PLD5: variants seen among roughly 807,000 people sequenced by gnomAD.
The protein encoded by PLD5 is phospholipase D family member 5, also known as inactive phospholipase D5.
PLD5 carries 36 observed loss-of-function variants against 61.1 expected under a neutral mutation model. That is an observed-to-expected ratio of 0.59 (90% CI 0.45 to 0.78). The LOEUF (loss-of-function observed/expected upper bound fraction) is 0.78. Ranked by LOEUF, PLD5 falls within the 30% of genes least tolerant of loss-of-function variation. The pLI, the probability that PLD5 is intolerant of heterozygous loss-of-function variation, is 0.00. For synonymous variants in PLD5, 243 were observed against 242.8 expected, an observed-to-expected ratio of 1.00 and a Z score of -0.01; for missense variants, 515 against 644.4, an observed-to-expected ratio of 0.80 and a Z score of 2.17.
intron 5 of PLD5, among the ~76,000 whole-genome samples, chr1:242,197,633 C>CTT (rs111450387): frequency 2.4e-4 from 25 of 105,422 alleles, no homozygotes; most frequent in African/African-American, 7.0e-4. Context: ...TAATTGCACA[C>CTT]TTTTTTTTTT....
chr1:242,255,961 T>G (rs1025612297), intron 4 of PLD5, among the ~76,000 whole-genome samples: 14 of 152,262 alleles, frequency 9.2e-5, no homozygotes, highest in African/African-American at 3.4e-4. Flanking sequence ...CTACCAATTG[T>G]TCAATGCTTT....
intron 2 of PLD5, among the ~76,000 whole-genome samples, chr1:242,332,733 G>A (rs61847231): frequency 6.6e-4 from 100 of 152,208 alleles, no homozygotes; most frequent in Non-Finnish European, 1.1e-3. Flanking sequence ...TATGGACTGA[G>A]CTAAAGTCTG....
At position 242,288,363 on chromosome 1, in the gene PLD5, T is replaced by G. The variant is rs763269884; in HGVS notation, c.494A>C (p.Gln165Pro). 5.6e-6 allele frequency: 9 copies of G among 1,612,396 alleles called. No individual in the cohort carries two copies. The highest frequency in any genetic ancestry group is 7.6e-6 in the Non-Finnish European group (9 of 1,179,552). ...DLNHTHPSAC[Q>P]GQRLFEKLLQ... is the part of the protein sequence containing the mutation. ...ACACACACAGAGGATGTAGCTTACC[T>G]GACATGCTGATGGATGAGTGTGGTT... is the stretch of plus-strand genomic sequence containing the variant. Residue 165 changes from glutamine (Q) to proline (P), a missense_variant and splice_region_variant, in exon 3 of 10, where the codon CAG becomes CCG. Coordinates refer to ENST00000536534, the MANE Select transcript of PLD5 (RefSeq NM_001372062.1).
chr1:242,400,600 A>T (rs1295530182), intron 1 of PLD5, among the ~76,000 whole-genome samples: 2 of 152,162 alleles, frequency 1.3e-5, no homozygotes, highest in African/African-American at 4.8e-5. Flanking sequence ...CATCCCATAC[A>T]TTGAAAGCTA....
intron 5 of PLD5, among the ~76,000 whole-genome samples, chr1:242,162,799 C>T (rs992968414): frequency 7.9e-5 from 12 of 152,096 alleles, no homozygotes; most frequent in African/African-American, 2.9e-4. Flanking sequence ...AGACAGACAG[C>T]TCCAGCCATG....
intron 3 of PLD5, among the ~76,000 whole-genome samples, chr1:242,283,891 C>T (rs1674862215): frequency 6.6e-6 from 1 of 152,014 alleles, no homozygotes; most frequent in Non-Finnish European, 1.5e-5. Flanking sequence ...AAGTAGCTTT[C>T]AGTTAGTGCC....
Position 242,288,430 on chromosome 1 carries a change from C to A in PLD5, c.427G>T (p.Ala143Ser). Residue 143 changes from alanine to serine, a missense_variant, in exon 3 of 10, where the codon GCC (alanine) becomes TCC (serine). Physicochemically the swap from Ala to Ser is moderately conservative, Grantham distance 99. This residue lies in a region of PLD5 where 450 missense variants were observed against 598.1 expected (regional missense o/e 0.75). Coordinates refer to ENST00000536534, the MANE Select transcript of PLD5 (RefSeq NM_001372062.1). ...FQGWMNLLNM[A>S]KKSVDIVSSH... is the part of the protein sequence containing the mutation. ...GACACTATGTCAACAGACTTTTTGGCCATGTTGAGTAAATTCATCCAGCCT... is the reference window on the plus strand; with the variant it reads ...GACACTATGTCAACAGACTTTTTGGACATGTTGAGTAAATTCATCCAGCCT... 1 of 1,612,534 alleles carries A rather than the reference C, an allele frequency of 6.2e-7. No individual in the cohort carries two copies.
chr1:242,306,802 GCAAA>G (rs1412942230), intron 2 of PLD5, among the ~76,000 whole-genome samples: 2 of 25,912 alleles, frequency 7.7e-5, no homozygotes, highest in East Asian at 1.8e-3. Flanking sequence ...CCCCACTTAC[GCAAA>G]CAAACTCTTT....
chr1:242,519,823 A>G (rs1448274605), intron 1 of PLD5, among the ~76,000 whole-genome samples: 2 of 152,184 alleles, frequency 1.3e-5, no homozygotes, highest in South Asian at 4.1e-4. Flanking sequence ...TTGCCGACCA[A>G]AGGACCACTC....
chr1:242,259,466 C>A (rs981861554), intron 4 of PLD5, among the ~76,000 whole-genome samples: 4 of 152,156 alleles, frequency 2.6e-5, no homozygotes, highest in Non-Finnish European at 5.9e-5. Context: ...TTTGGGAAAT[C>A]ACAATTAGCT....
chr1:242,504,320 C>T (rs932974955), intron 1 of PLD5, among the ~76,000 whole-genome samples: 7 of 152,062 alleles, frequency 4.6e-5, no homozygotes, highest in African/African-American at 1.7e-4. Context: ...TGATTCAGTC[C>T]TGGGGCTTTC....
chr1:242,150,046 C>T (rs2148815211), intron 5 of PLD5, among the ~76,000 whole-genome samples: 1 of 151,860 alleles, frequency 6.6e-6, no homozygotes, highest in Middle Eastern at 3.4e-3. Flanking sequence ...TATCTTCACT[C>T]AAATCAAAAT....
chr1:242,297,652 A>G (rs1675777800), intron 2 of PLD5, among the ~76,000 whole-genome samples: 1 of 72,004 alleles, frequency 1.4e-5, no homozygotes, highest in Admixed American at 1.9e-4. Flanking sequence ...TTTTTTTTTG[A>G]GATGGAGTCT....
chr1:242,194,389 T>G (rs1668469387), intron 5 of PLD5, among the ~76,000 whole-genome samples: 1 of 152,096 alleles, frequency 6.6e-6, no homozygotes, highest in East Asian at 1.9e-4. Context: ...AAAGTAGAAC[T>G]GCCATTTGAT....
At chr1:242,169,616 G>A (rs1666591281) in intron 5 of PLD5, among the ~76,000 whole-genome samples, 1 of 152,148 alleles carries the variant, frequency 6.6e-6, no homozygotes, top group African/African-American at 2.4e-5. Context: ...TGAAGCCAGG[G>A]AGCCAAGTGG....
At chr1:242,511,930 G>C (rs1668923499) in intron 1 of PLD5, among the ~76,000 whole-genome samples, 2 of 152,096 alleles carry the variant, frequency 1.3e-5, no homozygotes, top group Admixed American at 1.3e-4. Context: ...CCAAATTAAA[G>C]TTTTTTTAAT....
intron 9 of PLD5, among the ~76,000 whole-genome samples, chr1:242,095,230 C>T (rs201496870): frequency 1.2e-4 from 18 of 151,504 alleles, no homozygotes; most frequent in East Asian, 5.9e-4. Context: ...CCATCGCGTC[C>T]GGCATATTTA....
chr1:242,378,385 G>T (rs1187637844), intron 1 of PLD5, among the ~76,000 whole-genome samples: 1 of 152,180 alleles, frequency 6.6e-6, no homozygotes. Context: ...ATTGCTTAAT[G>T]GGTATAGAAT....
At chr1:242,496,413 C>A (rs779083291) in intron 1 of PLD5, among the ~76,000 whole-genome samples, 6 of 152,136 alleles carry the variant, frequency 3.9e-5, no homozygotes, top group Non-Finnish European at 7.4e-5. Context: ...GAGGTTTTTG[C>A]TATTTAATGT....
Sources: allele counts gnomAD v4.1 joint callset (sites outside exome capture counted in the v4.1 genomes callset), GRCh38; gene constraint gnomAD v4.1.1; regional missense constraint gnomAD v4.1.1; transcripts MANE v1.5; gene names NCBI Gene and HGNC (gene_info 2026-07-23, HGNC 2026-07-21).